The following CTXND2 variants were observed in gnomAD, a reference collection of about 807,000 sequenced individuals.
The protein encoded by CTXND2 is cortexin domain containing 2.
At chr1:150,911,956 C>T (rs747843457) in intron 1 of CTXND2, among the ~76,000 whole-genome samples, 4 of 152,168 alleles carry the variant, frequency 2.6e-5, no homozygotes, top group Non-Finnish European at 5.9e-5. Flanking sequence ...ATGTTTAAGA[C>T]AGTTTTACCT....
chr1:150,893,788 T>C (rs1279949456), intron 1 of CTXND2, among the ~76,000 whole-genome samples: 1 of 152,088 alleles, frequency 6.6e-6, no homozygotes, highest in Non-Finnish European at 1.5e-5. Flanking sequence ...CCCCCACTTA[T>C]GCCTAGTGTT....
exon 2 of CTXND2, chr1:150,913,035 T>C (rs760431909): frequency 3.3e-5 from 5 of 152,284 alleles, no homozygotes; most frequent in Admixed American, 2.0e-4. Flanking sequence ...TAAAATAATA[T>C]GTAGAGGTTT....
chr1:150,892,589 A>G (rs1350284767), intron 1 of CTXND2, among the ~76,000 whole-genome samples: 1 of 140,540 alleles, frequency 7.1e-6, no homozygotes, highest in Non-Finnish European at 1.5e-5. Flanking sequence ...CCTGGATTGC[A>G]GTGGTATGAA....
At chr1:150,908,241 G>T (rs145006429) in intron 1 of CTXND2, among the ~76,000 whole-genome samples, 235 of 146,128 alleles carry the variant, frequency 1.6e-3, no homozygotes, top group African/African-American at 5.7e-3. Flanking sequence ...GGACTAAAGT[G>T]ATCCTCCACC....
At chr1:150,888,090 TA>T (rs1406492788) in intron 1 of CTXND2, among the ~76,000 whole-genome samples, 1 of 152,054 alleles carries the variant, frequency 6.6e-6, no homozygotes, top group African/African-American at 2.4e-5. Flanking sequence ...CTAAGACAGG[TA>T]TTCCCTTTGG....
At chr1:150,897,274 C>G (rs1479545689) in intron 1 of CTXND2, among the ~76,000 whole-genome samples, 3 of 152,046 alleles carry the variant, frequency 2.0e-5, no homozygotes, top group Non-Finnish European at 4.4e-5. Flanking sequence ...CATTTGATGG[C>G]CTGGAGTACA....
chr1:150,893,378 A>G (rs965958745), intron 1 of CTXND2, among the ~76,000 whole-genome samples: 1 of 152,188 alleles, frequency 6.6e-6, no homozygotes, highest in South Asian at 2.1e-4. Flanking sequence ...AAAAGTTAAT[A>G]TAGTGAACAT....
At chr1:150,907,870 C>T (rs1309362920) in intron 1 of CTXND2, among the ~76,000 whole-genome samples, 2 of 152,012 alleles carry the variant, frequency 1.3e-5, no homozygotes, top group African/African-American at 4.8e-5. Context: ...CCACCACGCC[C>T]GGCTAATTTT....
intron 1 of CTXND2, among the ~76,000 whole-genome samples, chr1:150,899,774 T>C (rs1441996482): frequency 6.6e-6 from 1 of 152,146 alleles, no homozygotes; most frequent in Admixed American, 6.5e-5. Flanking sequence ...CTGACCTACA[T>C]GATGAAACCT....
chr1:150,905,442 G>A (rs893652400), intron 1 of CTXND2, among the ~76,000 whole-genome samples: 2 of 151,830 alleles, frequency 1.3e-5, no homozygotes, highest in East Asian at 1.9e-4. Context: ...CGTGGCACCC[G>A]GCCTTATCTG....
chr1:150,910,091 CAGA>C (rs1669222811), intron 1 of CTXND2, among the ~76,000 whole-genome samples: 1 of 150,108 alleles, frequency 6.7e-6, no homozygotes, highest in South Asian at 2.1e-4. Context: ...GCTTTAAGAC[CAGA>C]AGGTCAATTT....
At chr1:150,887,361 A>T (rs2102591638) in intron 1 of CTXND2, 48 bp downstream of exon 1, 1 of 152,300 alleles carries the variant, frequency 6.6e-6, no homozygotes, top group South Asian at 2.1e-4. Context: ...TCACTGGGAG[A>T]AATTCCAAGA....
intron 1 of CTXND2, among the ~76,000 whole-genome samples, chr1:150,892,875 A>C (rs1668870949): frequency 6.6e-6 from 1 of 152,012 alleles, no homozygotes; most frequent in Non-Finnish European, 1.5e-5. Context: ...GAGTTCCTTC[A>C]TACGTTTAAG....
intron 1 of CTXND2, among the ~76,000 whole-genome samples, chr1:150,890,785 G>C (rs940006301): frequency 2.0e-5 from 3 of 152,154 alleles, no homozygotes; most frequent in Non-Finnish European, 4.4e-5. Flanking sequence ...TTACAGACGA[G>C]AGCCACCGCG....
At chr1:150,897,597 C>G (rs1208706195) in intron 1 of CTXND2, among the ~76,000 whole-genome samples, 3 of 152,208 alleles carry the variant, frequency 2.0e-5, no homozygotes, top group Non-Finnish European at 2.9e-5. Context: ...GCTGGGATTA[C>G]AGGCATGAGC....
chr1:150,902,645 G>C (rs1669061287), intron 1 of CTXND2, among the ~76,000 whole-genome samples: 1 of 152,046 alleles, frequency 6.6e-6, no homozygotes. Flanking sequence ...TGGTCGGGGA[G>C]GGGTGATACT....
At chr1:150,898,848 C>T (rs138796931) in intron 1 of CTXND2, among the ~76,000 whole-genome samples, 1,710 of 148,024 alleles carry the variant, frequency 0.012, 41 homozygotes, top group African/African-American at 0.041. Flanking sequence ...GAAGCCCAGG[C>T]GGGCGGATCA....
chr1:150,907,005 T>C (rs966593256), intron 1 of CTXND2, among the ~76,000 whole-genome samples: 4 of 152,142 alleles, frequency 2.6e-5, no homozygotes, highest in Non-Finnish European at 4.4e-5. Context: ...TACTCACAGT[T>C]GGCCACAGCT....
intron 1 of CTXND2, among the ~76,000 whole-genome samples, chr1:150,889,003 C>T (rs1000568984): frequency 8.6e-5 from 13 of 151,978 alleles, no homozygotes; most frequent in East Asian, 3.8e-4. Context: ...CGTGCCTAGC[C>T]GATCTCACTC....
Sources: gnomAD v4.1 joint callset for allele counts (sites outside exome capture counted in the v4.1 genomes callset) on GRCh38, gnomAD v4.1.1 for gene constraint, MANE v1.5 for transcripts, NCBI Gene and HGNC (gene_info 2026-07-23, HGNC 2026-07-21) for gene names.